Variants in GOLGA4 observed in about 807,000 individuals in gnomAD.
The protein encoded by GOLGA4 is golgin subfamily A member 4.
A neutral mutation model predicts 265.9 loss-of-function variants in GOLGA4; 169 were observed. The ratio of observed to expected loss-of-function variants is 0.64; its 90% CI spans 0.56 to 0.72. The LOEUF is 0.72. Ranked by LOEUF, GOLGA4 falls within the 30% of genes least tolerant of loss-of-function variation. The pLI is 0.00. For missense variants in GOLGA4, 2,482 were observed against 2,483.4 expected (o/e 1.00, Z 0.01); for synonymous variants, 923 against 855.8 (o/e 1.08, Z -1.37).
intron 22 of GOLGA4, among the ~76,000 whole-genome samples, chr3:37,361,025 A>T (rs1696214420): frequency 6.6e-6 from 1 of 152,164 alleles, no homozygotes; most frequent in Non-Finnish European, 1.5e-5. Flanking sequence ...GAAAGTTGCA[A>T]GTAAAATCTC....
chr3:37,248,535 G>T (rs530951827), intron 1 of GOLGA4, among the ~76,000 whole-genome samples: 156 of 152,266 alleles, frequency 1.0e-3, no homozygotes, highest in Non-Finnish European at 1.1e-3. Flanking sequence ...CTGAAGTACA[G>T]TTAGTTCTTT....
Position 37,257,923 on chromosome 3 carries a change from A to G in GOLGA4, c.162+6439A>G, listed in dbSNP as rs139791549. Among the ~76,000 whole-genome samples the G allele has an allele frequency of 4.5e-3, 522 of 115,706 alleles. 35 individuals are homozygous for G. Among genetic ancestry groups the G allele is most frequent in the Non-Finnish European group, 6.2e-3 (365 of 59,190 alleles). 75.9% of individuals were successfully genotyped at this position (115,706 alleles called of 152,430 possible). A position where few individuals can be genotyped will look rare whatever the true frequency, so the allele number is the denominator to read the frequency against. On this transcript the variant is annotated intron_variant, in intron 2 of 23. Coordinates refer to ENST00000361924, the MANE Select transcript of GOLGA4 (RefSeq NM_002078.5). Reference sequence around the variant, plus strand: ...TATATATATATATATATGTATGTATATATGTATATATACATACATATATAT... The same window carrying G: ...TATATATATATATATATGTATGTATGTATGTATATATACATACATATATAT...
chr3:37,243,351 A>C lies in GOLGA4; in HGVS notation c.-200A>C. The C allele has an allele frequency of 3.5e-6, 2 of 574,864 alleles. No homozygotes were observed. The highest frequency in any genetic ancestry group is 3.1e-6 in the Non-Finnish European group (1 of 319,902). 35.6% of individuals were successfully genotyped at this position (574,864 alleles called of 1,614,324 possible). ...CCGAGGCCAGCCAGTGGCACCCGGA[A>C]GAAAGAGACGCGGCGGCGGCGACGC... On this transcript the variant is annotated 5_prime_UTR_variant, in exon 1 of 24. Transcript: ENST00000361924.
At chr3:37,269,558 A>C (rs1246596611) in intron 2 of GOLGA4, among the ~76,000 whole-genome samples, 1 of 152,218 alleles carries the variant, frequency 6.6e-6, no homozygotes, top group South Asian at 2.1e-4. Flanking sequence ...AGAAAAAAAA[A>C]ATAGGCATAA....
Position 37,325,459 on chromosome 3 carries a change from A to G in GOLGA4, c.3573A>G (p.Ser1191=), listed in dbSNP as rs771986167. The G allele has an allele frequency of 1.2e-6, 2 of 1,611,728 alleles. No individual in the cohort carries two copies. The highest frequency in any genetic ancestry group is 1.7e-6 in the Non-Finnish European group (2 of 1,179,300). ...TDEEFQSLKS[S]HEKSNKSLED... is the part of the protein sequence containing the mutation. The stretch of plus-strand genomic sequence containing the variant: ...AAGAATTCCAGAGTTTGAAATCTTC[A>G]CATGAAAAAAGTAACAAAAGCCTAG... The change falls in exon 14 of 24, where the codon TCA becomes TCG. Residue 1191 remains serine, a synonymous_variant. Coordinates refer to ENST00000361924, the MANE Select transcript of GOLGA4 (RefSeq NM_002078.5).
At position 37,325,600 on chromosome 3, in the gene GOLGA4, T is replaced by G. The variant is rs148606114; in HGVS notation, c.3714T>G (p.Ile1238Met). Reference sequence around the variant, plus strand: ...CTAAAACAAATGAGCTAATCAACATTAGTAGTAGTAAAACTAATGCCATTC... The same window carrying G: ...CTAAAACAAATGAGCTAATCAACATGAGTAGTAGTAAAACTAATGCCATTC... ...LEAKTNELIN[I>M]SSSKTNAILS... is the part of the protein sequence containing the mutation. Residue 1238 changes from isoleucine (I) to methionine (M), a missense_variant, in exon 14 of 24, where the codon ATT becomes ATG. Physicochemically the swap from Ile to Met is conservative, Grantham distance 10 (BLOSUM62 1). Transcript: ENST00000361924. The G allele has an allele frequency of 6.2e-7, 1 of 1,612,950 alleles. No individual in the cohort carries two copies. The highest frequency in any genetic ancestry group is 8.5e-7 in the Non-Finnish European group (1 of 1,179,098).
At chr3:37,247,141 T>G (rs1404308342) in intron 1 of GOLGA4, among the ~76,000 whole-genome samples, 1 of 152,210 alleles carries the variant, frequency 6.6e-6, no homozygotes, top group Non-Finnish European at 1.5e-5. Flanking sequence ...ATATAAAGGT[T>G]TATTTGAAGA....
At chr3:37,363,979 CAG>C (rs1274636942) in intron 23 of GOLGA4, among the ~76,000 whole-genome samples, 3 of 152,272 alleles carry the variant, frequency 2.0e-5, no homozygotes, top group East Asian at 3.9e-4. Flanking sequence ...TTACGTATAA[CAG>C]AAGATCTTGT....
chr3:37,326,510 G>C lies in GOLGA4; in HGVS notation c.4624G>C (p.Glu1542Gln). The C allele has an allele frequency of 6.2e-7, 1 of 1,606,898 alleles. No homozygotes were observed. Residue 1542 changes from glutamate (E) to glutamine (Q), a missense_variant, in exon 14 of 24, where the codon GAG becomes CAG. Physicochemically the swap from Glu to Gln is conservative, Grantham distance 29. Coordinates refer to ENST00000361924, the MANE Select transcript of GOLGA4 (RefSeq NM_002078.5). Reference sequence around the variant, plus strand: ...TATTACCCAGAAAACTATTGAAATAGAGTCCTTAAATGAAGTTCTTAAAAA... The same window carrying C: ...TATTACCCAGAAAACTATTGAAATACAGTCCTTAAATGAAGTTCTTAAAAA... ...DHITQKTIEI[E>Q]SLNEVLKNYN... is the part of the protein sequence containing the mutation.
Position 37,289,218 on chromosome 3 carries a change from T to A in GOLGA4, c.526-17T>A. On this transcript the variant is annotated splice_polypyrimidine_tract_variant and intron_variant, in intron 4 of 23. Coordinates refer to ENST00000361924, the MANE Select transcript of GOLGA4 (RefSeq NM_002078.5). ...AGTTAGCTGTTTAACCAGCTTTTTT[T>A]TCTCTCTCAATTAAAGGGTATATTA... 2 of 1,502,178 alleles carry A rather than the reference T, an allele frequency of 1.3e-6. No homozygotes were observed. The highest frequency in any genetic ancestry group is 1.8e-6 in the Non-Finnish European group (2 of 1,094,642). The allele number at this position is 1,502,178 out of a possible 1,614,324, so 93.1% of individuals were successfully genotyped here. A position where few individuals can be genotyped will look rare whatever the true frequency, so the allele number is the denominator to read the frequency against.
rs777161497 is a variant in GOLGA4 at position 37,321,911 on chromosome 3, C to A, written c.1701+25C>A. 4 of 1,561,642 alleles carry A rather than the reference C, an allele frequency of 2.6e-6. No individual in the cohort carries two copies. In the African/African-American group the frequency reaches 4.2e-5, roughly 16 times the overall value. ...TGTAAGTTTTAATAATATTCAGATTCTGGAGTTGTGAAATTATTTGCATAT... is the reference window on the plus strand; with the variant it reads ...TGTAAGTTTTAATAATATTCAGATTATGGAGTTGTGAAATTATTTGCATAT... On this transcript the variant is annotated intron_variant, in intron 13 of 23. Transcript: ENST00000361924.
chr3:37,243,686 A>C, intron 1 of GOLGA4, 64 bp downstream of exon 1: 2 of 1,358,560 alleles, frequency 1.5e-6, no homozygotes, highest in Non-Finnish European at 2.1e-6. Flanking sequence ...CGCGGACGAA[A>C]GAGGCGGGGG....
At chr3:37,333,242 G>T (rs2096997202) in intron 16 of GOLGA4, among the ~76,000 whole-genome samples, 2 of 152,074 alleles carry the variant, frequency 1.3e-5, no homozygotes, top group African/African-American at 4.8e-5. Flanking sequence ...TACAAAATTG[G>T]TTTCTTTTTA....
At chr3:37,291,057 A>G (rs1262282800) in intron 5 of GOLGA4, among the ~76,000 whole-genome samples, 1 of 152,174 alleles carries the variant, frequency 6.6e-6, no homozygotes, top group Non-Finnish European at 1.5e-5. Context: ...TTAAATGCCC[A>G]TGTTTTATAC....
rs1384279555 is a variant in GOLGA4 at position 37,327,250 on chromosome 3, T to C, written c.5364T>C (p.His1788=). ...TAGAACATGCTGAGGCAAAGCAACA[T>C]GAAGATCAAAGTATGATAGGTCATC... ...IKLEHAEAKQ[H]EDQSMIGHLQ... is the part of the protein sequence containing the mutation. The change falls in exon 14 of 24, where the codon CAT becomes CAC. Residue 1788 remains histidine (H), a synonymous_variant. Coordinates refer to ENST00000361924, the MANE Select transcript of GOLGA4 (RefSeq NM_002078.5). 1 of 1,613,552 alleles carries C rather than the reference T, an allele frequency of 6.2e-7. No homozygotes were observed. Among genetic ancestry groups the C allele is most frequent in the African/African-American group, 1.3e-5 (1 of 74,816 alleles).
Position 37,355,087 on chromosome 3 carries a change from T to G in GOLGA4, c.6577-14T>G. ...TCACTGTCTGTTAGTGATCATCTCT[T>G]GTTTTTCTTGTAGACCATGGCAAAA... On this transcript the variant is annotated splice_polypyrimidine_tract_variant and intron_variant, in intron 21 of 23. Transcript: ENST00000361924. 6.8e-7 allele frequency: 1 copy of G among 1,474,966 alleles called. No individual in the cohort carries two copies. Among genetic ancestry groups the G allele is most frequent in the South Asian group, 1.1e-5 (1 of 88,264 alleles). 91.4% of individuals were successfully genotyped at this position (1,474,966 alleles called of 1,614,324 possible).
chr3:37,304,591 T>C lies in GOLGA4; in HGVS notation c.1234+2259T>C, dbSNP rs190252521. On this transcript the variant is annotated intron_variant, in intron 10 of 23. Transcript: ENST00000361924. ...ATTTTTAGAACTGCTTTCTGTTGAC[T>C]GTTGTAGCCAGTAGAGAGAAAATGT... Among the ~76,000 whole-genome samples the C allele has an allele frequency of 4.4e-4, 67 of 152,336 alleles. No homozygotes were observed. The East Asian group carries it at 0.012, about 27-fold the overall frequency.
intron 12 of GOLGA4, chr3:37,321,463 G>C (rs560123700): frequency 3.2e-6 from 1 of 310,636 alleles, no homozygotes; most frequent in African/African-American, 2.2e-5. Flanking sequence ...GCAGTGTTTC[G>C]TAAAACAAGT....
intron 20 of GOLGA4, among the ~76,000 whole-genome samples, chr3:37,343,380 C>T (rs1161692939): frequency 6.6e-6 from 1 of 152,152 alleles, no homozygotes; most frequent in Non-Finnish European, 1.5e-5. Context: ...CTCGGCCTCC[C>T]AAAGTGCTGG....
Sources: gnomAD v4.1 joint callset for allele counts (sites outside exome capture counted in the v4.1 genomes callset) on GRCh38, gnomAD v4.1.1 for gene constraint, MANE v1.5 for transcripts, NCBI Gene and HGNC (gene_info 2026-07-23, HGNC 2026-07-21) for gene names.